KCNT2: variants seen among roughly 807,000 people sequenced by gnomAD.
KCNT2 encodes the protein potassium channel subfamily T member 2.
A neutral mutation model predicts 153.8 loss-of-function variants in KCNT2; 67 were observed. That is an observed-to-expected ratio of 0.44 (90% CI 0.36 to 0.53). The LOEUF (loss-of-function observed/expected upper bound fraction) is 0.53, where lower values mean the gene tolerates loss of function less well. Ranked by LOEUF, KCNT2 falls within the 20% of genes least tolerant of loss-of-function variation. The probability of loss-of-function intolerance (pLI) is 0.00; values close to 1 mark genes in which losing one functional copy is unlikely to be tolerated. For synonymous variants in KCNT2, 500 were observed against 458.8 expected (o/e 1.09, Z -1.15); for missense variants, 975 against 1,354.8 (o/e 0.72, Z 4.40).
chr1:196,503,167 G>GA (rs199627665), intron 1 of KCNT2, among the ~76,000 whole-genome samples: 8,550 of 145,690 alleles, frequency 0.059, 362 homozygotes, highest in Non-Finnish European at 0.087. Context: ...GAAAAGAAAA[G>GA]AAAAAAAAAA....
chr1:196,333,800 T>C (rs1161114414), intron 17 of KCNT2, 47 bp downstream of exon 17: 2 of 1,155,188 alleles, frequency 1.7e-6, no homozygotes, highest in Admixed American at 1.8e-5. Context: ...CTTAAGGACA[T>C]TAGCACAAAA....
At chr1:196,448,473 T>G (rs2148611273) in intron 8 of KCNT2, among the ~76,000 whole-genome samples, 1 of 151,788 alleles carries the variant, frequency 6.6e-6, no homozygotes, top group South Asian at 2.1e-4. Flanking sequence ...GTTTTGTTTT[T>G]CTCTAACTAT....
intron 22 of KCNT2, among the ~76,000 whole-genome samples, chr1:196,304,382 C>T (rs947123994): frequency 1.3e-5 from 2 of 152,132 alleles, no homozygotes; most frequent in African/African-American, 4.8e-5. Context: ...GAAATGGGAT[C>T]TCACTATGCC....
At chr1:196,418,380 G>T (rs1672920375) in intron 12 of KCNT2, among the ~76,000 whole-genome samples, 1 of 151,982 alleles carries the variant, frequency 6.6e-6, no homozygotes, top group Non-Finnish European at 1.5e-5. Flanking sequence ...AATTAGCCAG[G>T]CATGGTACCC....
At chr1:196,398,267 T>C (rs189475578) in intron 13 of KCNT2, among the ~76,000 whole-genome samples, 60 of 151,572 alleles carry the variant, frequency 4.0e-4, no homozygotes, top group African/African-American at 1.3e-3. Flanking sequence ...TTTGTGTCTA[T>C]ATTATGCATA....
At chr1:196,316,800 G>A (rs1006021239) in intron 20 of KCNT2, among the ~76,000 whole-genome samples, 13 of 151,464 alleles carry the variant, frequency 8.6e-5, no homozygotes, top group African/African-American at 1.7e-4. Flanking sequence ...TTTATTTACC[G>A]TTAAAGCTGA....
intron 14 of KCNT2, among the ~76,000 whole-genome samples, chr1:196,362,042 T>C (rs1399415112): frequency 6.6e-6 from 1 of 152,102 alleles, no homozygotes; most frequent in Non-Finnish European, 1.5e-5. Context: ...AATATAGTTC[T>C]CTGTCACAGT....
rs148371470 is a variant in KCNT2 at position 196,331,282 on chromosome 1, T to C, written c.1998-21A>G. 9,290 of 1,257,096 alleles carry C rather than the reference T, an allele frequency of 7.4e-3. 46 individuals carry two copies. Among genetic ancestry groups the C allele is most frequent in the Non-Finnish European group, 8.8e-3 (7,574 of 856,026 alleles). 77.9% of individuals were successfully genotyped at this position (1,257,096 alleles called of 1,614,324 possible). On this transcript the variant is annotated intron_variant, in intron 17 of 27. Transcript: ENST00000294725. ...CATACCTGTAAAATAATACAAAATA[T>C]TACCCTTGGATAAGGCATGCAAATT...
chr1:196,593,309 T>TACAC (rs1422252947), intron 1 of KCNT2, among the ~76,000 whole-genome samples: 135 of 126,692 alleles, frequency 1.1e-3, no homozygotes, highest in African/African-American at 4.8e-3. Context: ...TATATATATA[T>TACAC]ATACACACAC....
intron 1 of KCNT2, among the ~76,000 whole-genome samples, chr1:196,575,501 G>T (rs373430533): frequency 6.6e-6 from 1 of 151,798 alleles, no homozygotes; most frequent in East Asian, 1.9e-4. Flanking sequence ...ATTATAAGAG[G>T]TTTGTCAGTT....
At chr1:196,413,455 T>C (rs1436170177) in intron 12 of KCNT2, among the ~76,000 whole-genome samples, 1 of 151,702 alleles carries the variant, frequency 6.6e-6, no homozygotes, top group Non-Finnish European at 1.5e-5. Context: ...AGCTAAAATA[T>C]GTATACCAAT....
intron 1 of KCNT2, among the ~76,000 whole-genome samples, chr1:196,562,753 A>G (rs1395098396): frequency 6.7e-6 from 1 of 148,878 alleles, no homozygotes; most frequent in African/African-American, 2.5e-5. Context: ...AGGCAATTCT[A>G]TTTTAGCTCA....
At chr1:196,448,552 C>G (rs1343488996) in intron 8 of KCNT2, among the ~76,000 whole-genome samples, 1 of 151,420 alleles carries the variant, frequency 6.6e-6, no homozygotes, top group South Asian at 2.1e-4. Flanking sequence ...GGCCTGGAAG[C>G]TTTTTATAAT....
At chr1:196,501,874 T>G (rs531759919) in intron 1 of KCNT2, among the ~76,000 whole-genome samples, 2 of 152,326 alleles carry the variant, frequency 1.3e-5, no homozygotes, top group African/African-American at 4.8e-5. Flanking sequence ...ATCCCAGCAC[T>G]TTGGGAGGCC....
At chr1:196,479,793 G>T (rs1678855543) in intron 4 of KCNT2, among the ~76,000 whole-genome samples, 1 of 152,130 alleles carries the variant, frequency 6.6e-6, no homozygotes, top group Non-Finnish European at 1.5e-5. Context: ...ATGACCATCT[G>T]TACCAAAATC....
At chr1:196,300,162 ATG>A (rs1661051512) in intron 22 of KCNT2, among the ~76,000 whole-genome samples, 1 of 152,234 alleles carries the variant, frequency 6.6e-6, no homozygotes, top group Non-Finnish European at 1.5e-5. Context: ...TACATAGGTA[ATG>A]ATGGCTTGAG....
intron 7 of KCNT2, among the ~76,000 whole-genome samples, chr1:196,466,662 T>A (rs1050477914): frequency 1.3e-5 from 2 of 152,092 alleles, no homozygotes; most frequent in Non-Finnish European, 2.9e-5. Flanking sequence ...TATGTATATA[T>A]AATTTCATTT....
At chr1:196,417,461 C>G (rs1405565521) in intron 12 of KCNT2, among the ~76,000 whole-genome samples, 3 of 152,116 alleles carry the variant, frequency 2.0e-5, no homozygotes. Flanking sequence ...CCTTCCTACT[C>G]TCACACATAT....
intron 1 of KCNT2, among the ~76,000 whole-genome samples, chr1:196,573,535 T>C (rs186127516): frequency 4.9e-4 from 75 of 152,210 alleles, no homozygotes; most frequent in Non-Finnish European, 8.1e-4. Flanking sequence ...CTCAGTTAGA[T>C]TGAAGATTTG....
Sources: allele counts gnomAD v4.1 joint callset (sites outside exome capture counted in the v4.1 genomes callset), GRCh38; gene constraint gnomAD v4.1.1; transcripts MANE v1.5; gene names NCBI Gene and HGNC (gene_info 2026-07-23, HGNC 2026-07-21).